Variants in PHACTR3 observed in about 807,000 individuals in gnomAD.
PHACTR3 encodes protein phosphatase 1, regulatory subunit 123.
A neutral mutation model predicts 66.8 loss-of-function variants in PHACTR3; 16 were observed. The observed-to-expected ratio is 0.24, with a 90% confidence interval of 0.16 to 0.36. The LOEUF (loss-of-function observed/expected upper bound fraction) is 0.36, where lower values mean the gene tolerates loss of function less well. Among genes scored for constraint, PHACTR3 ranks in the 10% least tolerant of loss-of-function variants. The pLI, the probability that PHACTR3 is intolerant of heterozygous loss-of-function variation, is 1.00. For missense variants in PHACTR3, 647 were observed against 719.9 expected (o/e 0.90, Z 1.16); for synonymous variants, 323 against 292.1 (o/e 1.11, Z -1.08).
At chr20:59,768,950 G>C (rs1193349024) in intron 5 of PHACTR3, among the ~76,000 whole-genome samples, 1 of 152,244 alleles carries the variant, frequency 6.6e-6, no homozygotes, top group Non-Finnish European at 1.5e-5. Flanking sequence ...GTGCCCTGTG[G>C]TTCCCCAAGT....
At chr20:59,710,018 G>C (rs771389404) in intron 1 of PHACTR3, among the ~76,000 whole-genome samples, 1 of 152,172 alleles carries the variant, frequency 6.6e-6, no homozygotes, top group Non-Finnish European at 1.5e-5. Context: ...TGAGTTGGCA[G>C]AGGAAAAAAT....
intron 1 of PHACTR3, among the ~76,000 whole-genome samples, chr20:59,663,495 T>G (rs1475599906): frequency 6.6e-6 from 1 of 152,218 alleles, no homozygotes; most frequent in Non-Finnish European, 1.5e-5. Context: ...TTTTTGTTTG[T>G]TTTTAACAAA....
chr20:59,621,693 A>G (rs1320856096), intron 1 of PHACTR3, among the ~76,000 whole-genome samples: 1 of 152,190 alleles, frequency 6.6e-6, no homozygotes, highest in Non-Finnish European at 1.5e-5. Flanking sequence ...GCTGTACAAA[A>G]GTGACAGGGA....
intron 1 of PHACTR3, among the ~76,000 whole-genome samples, chr20:59,657,840 G>T (rs573341129): frequency 3.3e-5 from 5 of 152,078 alleles, no homozygotes; most frequent in Non-Finnish European, 7.4e-5. Flanking sequence ...TATAGATTAG[G>T]GTTTTTTCGC....
chr20:59,744,356 C>A (rs1350007882), intron 2 of PHACTR3, among the ~76,000 whole-genome samples: 1 of 152,172 alleles, frequency 6.6e-6, no homozygotes, highest in Admixed American at 6.5e-5. Context: ...GAGGAGGCCG[C>A]ATCTCCACCC....
At chr20:59,597,694 G>T (rs2033362486) in intron 1 of PHACTR3, among the ~76,000 whole-genome samples, 1 of 152,244 alleles carries the variant, frequency 6.6e-6, no homozygotes. Flanking sequence ...AGAGGCCTAT[G>T]CCAGCAGGAT....
At chr20:59,600,676 G>A (rs2033451533), upstream of PHACTR3, among the ~76,000 whole-genome samples, 1 of 152,216 alleles carries the variant, frequency 6.6e-6, no homozygotes. Context: ...GTTTTGAAAG[G>A]GACTTGGGCA....
At chr20:59,584,617 C>T (rs2032967331) in intron 1 of PHACTR3, among the ~76,000 whole-genome samples, 1 of 152,124 alleles carries the variant, frequency 6.6e-6, no homozygotes. Flanking sequence ...GTGTGCCAGC[C>T]TCAGCACAGC....
chr20:59,762,745 T>C (rs546982078), intron 4 of PHACTR3, among the ~76,000 whole-genome samples: 2 of 152,232 alleles, frequency 1.3e-5, no homozygotes, highest in African/African-American at 4.8e-5. Flanking sequence ...GTTTGGAGAA[T>C]GGGTTTCCAC....
intron 1 of PHACTR3, among the ~76,000 whole-genome samples, chr20:59,665,720 C>G (rs908419307): frequency 1.3e-5 from 2 of 151,886 alleles, no homozygotes; most frequent in Admixed American, 1.3e-4. Flanking sequence ...GGAGGGAGAG[C>G]CTGTGTGGAC....
chr20:59,586,373 C>T (rs1290815331), intron 1 of PHACTR3, among the ~76,000 whole-genome samples: 1 of 152,246 alleles, frequency 6.6e-6, no homozygotes, highest in East Asian at 1.9e-4. Flanking sequence ...ATGACTAAAT[C>T]CCCTTAACGA....
intron 1 of PHACTR3, 120 bp downstream of exon 1, chr20:59,605,252 G>C (rs2033619134): frequency 1.5e-6 from 1 of 647,174 alleles, no homozygotes; most frequent in Non-Finnish European, 2.2e-6. Context: ...GCAGGAACCC[G>C]CGCTCGGCCC....
intron 4 of PHACTR3, among the ~76,000 whole-genome samples, chr20:59,761,581 C>T (rs1419642365): frequency 6.6e-6 from 1 of 152,230 alleles, no homozygotes; most frequent in African/African-American, 2.4e-5. Context: ...CAGAGTTTTT[C>T]CTCTTGTTTA....
intron 9 of PHACTR3, among the ~76,000 whole-genome samples, chr20:59,837,842 A>C (rs1235311323): frequency 1.3e-5 from 2 of 152,214 alleles, no homozygotes; most frequent in African/African-American, 4.8e-5. Context: ...GGAAGAGAGT[A>C]CTACAGCCCA....
upstream of PHACTR3, among the ~76,000 whole-genome samples, chr20:59,600,715 G>C (rs1222780757): frequency 6.6e-6 from 1 of 152,216 alleles, no homozygotes; most frequent in African/African-American, 2.4e-5. Context: ...CCATCTTTGT[G>C]GTTCTTCAGG....
chr20:59,799,740 GT>G (rs1305232167), intron 7 of PHACTR3, among the ~76,000 whole-genome samples: 2 of 152,024 alleles, frequency 1.3e-5, no homozygotes, highest in African/African-American at 4.8e-5. Flanking sequence ...TTTGTCTCAT[GT>G]TTTAATCCAT....
chr20:59,845,756 A>G (rs2059136388), intron 12 of PHACTR3, among the ~76,000 whole-genome samples: 1 of 152,190 alleles, frequency 6.6e-6, no homozygotes, highest in African/African-American at 2.4e-5. Context: ...GTAAGTGCTG[A>G]GAATGCAATA....
chr20:59,779,569 G>T (rs114360616), intron 7 of PHACTR3, among the ~76,000 whole-genome samples: 1 of 152,164 alleles, frequency 6.6e-6, no homozygotes, highest in African/African-American at 2.4e-5. Context: ...ATTATTAATC[G>T]CAACAACTAC....
intron 3 of PHACTR3, among the ~76,000 whole-genome samples, chr20:59,751,010 G>A (rs567145029): frequency 6.6e-6 from 1 of 152,326 alleles, no homozygotes; most frequent in East Asian, 1.9e-4. Context: ...CTGGGTCACC[G>A]GGTCCTCTTG....
Sources: allele counts gnomAD v4.1 joint callset (sites outside exome capture counted in the v4.1 genomes callset), GRCh38; gene constraint gnomAD v4.1.1; transcripts MANE v1.5; gene names NCBI Gene and HGNC (gene_info 2026-07-23, HGNC 2026-07-21).